Variants in RTN4IP1 observed in about 807,000 individuals in gnomAD.
RTN4IP1 encodes the protein reticulon 4 interacting protein 1.
In RTN4IP1, 32 loss-of-function variants were observed where a neutral mutation model predicts 46.6. The observed-to-expected ratio is 0.69, with a 90% CI of 0.52 to 0.92. RTN4IP1 has a LOEUF of 0.92. Ranked by LOEUF, RTN4IP1 falls within the 40% of genes least tolerant of loss-of-function variation. The pLI, the probability that RTN4IP1 is intolerant of heterozygous loss-of-function variation, is 0.00. For synonymous variants in RTN4IP1, 167 were observed against 161.8 expected (o/e 1.03, Z -0.24); for missense variants, 424 against 485.8 (o/e 0.87, Z 1.20).
At chr6:106,579,553 A>T (rs1391467842) in intron 8 of RTN4IP1, among the ~76,000 whole-genome samples, 1 of 152,150 alleles carries the variant, frequency 6.6e-6, no homozygotes, top group Admixed American at 6.5e-5. Context: ...GACAATAGTG[A>T]GCACATTAAA....
chr6:106,595,792 C>A (rs543136488), intron 5 of RTN4IP1, among the ~76,000 whole-genome samples: 13 of 152,168 alleles, frequency 8.5e-5, no homozygotes, highest in Non-Finnish European at 1.5e-4. Flanking sequence ...GCCAACGCGT[C>A]CAGCCTGAAT....
At chr6:106,611,568 T>C (rs1488044684) in intron 4 of RTN4IP1, among the ~76,000 whole-genome samples, 1 of 152,170 alleles carries the variant, frequency 6.6e-6, no homozygotes, top group Non-Finnish European at 1.5e-5. Flanking sequence ...CTTGTGGAGG[T>C]TCTGAAACAC....
intron 5 of RTN4IP1, among the ~76,000 whole-genome samples, chr6:106,600,485 C>T (rs1042978680): frequency 2.6e-5 from 4 of 152,126 alleles, no homozygotes; most frequent in African/African-American, 9.7e-5. Flanking sequence ...AGTACACTCA[C>T]AATGTTGTGC....
chr6:106,580,336 T>C (rs2114624920), intron 8 of RTN4IP1, among the ~76,000 whole-genome samples: 1 of 151,490 alleles, frequency 6.6e-6, no homozygotes, highest in East Asian at 1.9e-4. Context: ...AATGGGTAAG[T>C]AAAGAGAGAA....
rs1434823921 is a variant in RTN4IP1 at position 106,587,770 on chromosome 6, A to G, written c.899T>C (p.Leu300Ser). 1.2e-6 allele frequency: 2 copies of G among 1,614,008 alleles called. No individual in the cohort carries two copies. The highest frequency in any genetic ancestry group is 2.2e-5 in the South Asian group (2 of 91,088). Residue 300 changes from leucine to serine, a missense_variant, in exon 7 of 9, where the codon TTG becomes TCG. By Grantham distance (145) the Leu-to-Ser change is moderately radical. Transcript: ENST00000369063. ...CATGTTCAGGAGGAAAGGAGTCACC[A>G]AAGTCACATAGGTGGCTCCTGACCA... ...KKWSGATYVTLVTPFLLNMDR... is the reference protein window; with the variant it reads ...KKWSGATYVTSVTPFLLNMDR...
chr6:106,610,923 T>C (rs897046086), intron 4 of RTN4IP1, among the ~76,000 whole-genome samples: 3 of 152,174 alleles, frequency 2.0e-5, no homozygotes, highest in South Asian at 4.1e-4. Context: ...ACTGAAGCAA[T>C]GTTGGCTTCT....
intron 1 of RTN4IP1, among the ~76,000 whole-genome samples, chr6:106,623,561 T>C (rs1320799171): frequency 2.0e-5 from 3 of 152,214 alleles, no homozygotes; most frequent in Non-Finnish European, 4.4e-5. Flanking sequence ...GTAATCAACC[T>C]TATAATTTTT....
At chr6:106,590,455 G>A (rs965221311) in intron 6 of RTN4IP1, among the ~76,000 whole-genome samples, 1 of 152,036 alleles carries the variant, frequency 6.6e-6, no homozygotes, top group African/African-American at 2.4e-5. Flanking sequence ...GGTGGTTCAC[G>A]CCTGTAATCC....
At chr6:106,603,031 G>C in intron 4 of RTN4IP1, 109 bp from the exon 5 acceptor site, 1 of 755,694 alleles carries the variant, frequency 1.3e-6, no homozygotes, top group Non-Finnish European at 2.1e-6. Context: ...AATTCTAAAA[G>C]AAAATAAAGT....
At chr6:106,580,075 A>G (rs992162556) in intron 8 of RTN4IP1, among the ~76,000 whole-genome samples, 9 of 151,654 alleles carry the variant, frequency 5.9e-5, no homozygotes, top group Middle Eastern at 3.2e-3. Flanking sequence ...TTAGCCGGGC[A>G]TGGTGGCGGG....
chr6:106,574,590 G>T (rs60533767), intron 8 of RTN4IP1, among the ~76,000 whole-genome samples: 21,528 of 152,130 alleles, frequency 0.14, 1,748 homozygotes, highest in African/African-American at 0.21. Context: ...CAGAGTCCAA[G>T]GCCTCCTGTT....
intron 8 of RTN4IP1, among the ~76,000 whole-genome samples, chr6:106,576,719 T>C (rs1168935609): frequency 7.9e-5 from 12 of 152,188 alleles, no homozygotes; most frequent in Non-Finnish European, 1.6e-4. Flanking sequence ...TAATCAAAAG[T>C]AAGTAAATAA....
rs1401018883 is a variant in RTN4IP1 at position 106,587,688 on chromosome 6, C to T, written c.981G>A (p.Lys327=). The T allele has an allele frequency of 8.7e-6, 14 of 1,611,176 alleles. No homozygotes were observed. Among genetic ancestry groups the T allele is most frequent in the Admixed American group, 1.7e-5 (1 of 59,944 alleles). Reference sequence around the variant, plus strand: ...AGACCCTTCTTCCTACCTTTAATGCCTTTGAACCTACAGTGACTCCTGTCT... The same window carrying T: ...AGACCCTTCTTCCTACCTTTAATGCTTTTGAACCTACAGTGACTCCTGTCT... ...MLQTGVTVGS[K]ALKHFWKGVH... is the part of the protein sequence containing the mutation. Residue 327 remains lysine (K), a synonymous_variant, in exon 7 of 9, where the codon AAG becomes AAA. Coordinates refer to ENST00000369063, the MANE Select transcript of RTN4IP1 (RefSeq NM_032730.5).
intron 5 of RTN4IP1, among the ~76,000 whole-genome samples, chr6:106,600,616 C>T (rs535819412): frequency 2.6e-5 from 4 of 152,024 alleles, no homozygotes; most frequent in East Asian, 3.9e-4. Flanking sequence ...CACTAATCTG[C>T]TTTCTGTCTC....
Position 106,572,002 on chromosome 6 carries a change from A to C in RTN4IP1, c.1185T>G (p.Val395=). The C allele has an allele frequency of 6.2e-7, 1 of 1,610,920 alleles. No individual in the cohort carries two copies. The highest frequency in any genetic ancestry group is 8.5e-7 in the Non-Finnish European group (1 of 1,177,444). ...GHARGKTVIN[V]V ...CACTAAACTGCATTTTTATTTAAAC[A>C]ACATTAATTACAGTCTTTCCTCGTG... The change falls in exon 9 of 9, where the codon GTT becomes GTG. Residue 395 remains valine, a synonymous_variant. Transcript: ENST00000369063.
intron 6 of RTN4IP1, among the ~76,000 whole-genome samples, chr6:106,589,830 G>A (rs747980808): frequency 2.0e-5 from 3 of 152,214 alleles, no homozygotes; most frequent in Non-Finnish European, 4.4e-5. Flanking sequence ...AAAAGAAGTA[G>A]TAACGGCATG....
intron 8 of RTN4IP1, among the ~76,000 whole-genome samples, chr6:106,577,957 T>C (rs1775270547): frequency 6.6e-6 from 1 of 152,192 alleles, no homozygotes; most frequent in South Asian, 2.1e-4. Flanking sequence ...AGATAATAAA[T>C]TTGTGCTGTC....
intron 1 of RTN4IP1, among the ~76,000 whole-genome samples, chr6:106,626,929 A>G (rs1383598874): frequency 6.6e-6 from 1 of 152,178 alleles, no homozygotes; most frequent in Admixed American, 6.5e-5. Flanking sequence ...AGCCATTTCT[A>G]TGATTTATTA....
intron 7 of RTN4IP1, 160 bp from the exon 8 acceptor site, chr6:106,583,580 A>ATT: frequency 3.4e-6 from 2 of 588,806 alleles, no homozygotes; most frequent in Non-Finnish European, 6.2e-6. Flanking sequence ...TGACTGACAG[A>ATT]GAATGGATGC....
Sources: allele counts gnomAD v4.1 joint callset (sites outside exome capture counted in the v4.1 genomes callset), GRCh38; gene constraint gnomAD v4.1.1; transcripts MANE v1.5; gene names NCBI Gene and HGNC (gene_info 2026-07-23, HGNC 2026-07-21).